The following EPB41L4A variants were observed in gnomAD, a reference collection of about 807,000 sequenced individuals.
EPB41L4A encodes erythrocyte membrane protein band 4.1 like 4A, also known as band 4.1-like protein 4A.
In EPB41L4A, 100 loss-of-function variants were observed where a neutral mutation model predicts 108.6. That is an observed-to-expected ratio of 0.92 (90% CI 0.78 to 1.09). The LOEUF is 1.09. Ranked by LOEUF, EPB41L4A falls within the 50% of genes least tolerant of loss-of-function variation. The pLI is 0.00. For missense variants in EPB41L4A, 1,030 were observed against 842.7 expected (o/e 1.22, Z -2.75); for synonymous variants, 319 against 289.0 (o/e 1.10, Z -1.05).
At chr5:112,419,877 C>T (rs1222392811), upstream of EPB41L4A, 4 of 456,666 alleles carry the variant, frequency 8.8e-6, no homozygotes, top group African/African-American at 8.0e-5. Flanking sequence ...GGAATGCCTG[C>T]CGCGGCGGCG....
intron 15 of EPB41L4A, chr5:112,197,125 T>A (rs75685408): frequency 6.9e-6 from 1 of 144,654 alleles, no homozygotes; most frequent in Admixed American, 6.9e-5. Context: ...TCTCACACAG[T>A]CACCTTGCCC....
chr5:112,419,919 C>T (rs373413661), upstream of EPB41L4A: 666 of 456,326 alleles, frequency 1.5e-3, 4 homozygotes, highest in South Asian at 9.9e-3. Context: ...TTCAGCAAAG[C>T]GGGGAGGCGG....
chr5:112,399,281 C>A (rs1334141756), intron 1 of EPB41L4A, among the ~76,000 whole-genome samples: 3 of 152,090 alleles, frequency 2.0e-5, no homozygotes, highest in African/African-American at 7.2e-5. Flanking sequence ...CCCATTCAGC[C>A]CAAACATCCC....
At chr5:112,211,389 C>G (rs570147461) in intron 12 of EPB41L4A, among the ~76,000 whole-genome samples, 1 of 152,328 alleles carries the variant, frequency 6.6e-6, no homozygotes, top group African/African-American at 2.4e-5. Context: ...CAAGACCACT[C>G]TGGCCAACAA....
At chr5:112,358,703 G>A (rs1352437126) in intron 1 of EPB41L4A, among the ~76,000 whole-genome samples, 1 of 152,202 alleles carries the variant, frequency 6.6e-6, no homozygotes, top group African/African-American at 2.4e-5. Flanking sequence ...TCCACTTCTA[G>A]GTATACACAC....
intron 1 of EPB41L4A, among the ~76,000 whole-genome samples, chr5:112,334,929 G>C (rs1363001443): frequency 6.6e-6 from 1 of 152,108 alleles, no homozygotes; most frequent in Non-Finnish European, 1.5e-5. Flanking sequence ...GTCCTACCAA[G>C]CAAAGATCAA....
chr5:112,408,526 A>G (rs1762216583), intron 1 of EPB41L4A, among the ~76,000 whole-genome samples: 1 of 151,924 alleles, frequency 6.6e-6, no homozygotes, highest in Non-Finnish European at 1.5e-5. Flanking sequence ...AAAAACTGGC[A>G]AACAATGTAA....
At chr5:112,374,699 C>T (rs1196195021) in intron 1 of EPB41L4A, among the ~76,000 whole-genome samples, 3 of 152,170 alleles carry the variant, frequency 2.0e-5, no homozygotes, top group Admixed American at 2.0e-4. Context: ...TATTTTCCTT[C>T]TTTAAAAGTG....
intron 1 of EPB41L4A, among the ~76,000 whole-genome samples, chr5:112,354,065 T>C (rs186955522): frequency 1.7e-4 from 26 of 152,338 alleles, no homozygotes; most frequent in Admixed American, 1.1e-3. Context: ...AAACCTAGAC[T>C]TGATTTTGAG....
intron 2 of EPB41L4A, among the ~76,000 whole-genome samples, chr5:112,281,730 C>T (rs774384116): frequency 9.2e-5 from 14 of 152,234 alleles, no homozygotes; most frequent in Non-Finnish European, 1.3e-4. Flanking sequence ...TGCTATGTAA[C>T]GGTAGCAATA....
At chr5:112,302,326 T>A (rs1754419845) in intron 2 of EPB41L4A, among the ~76,000 whole-genome samples, 1 of 152,094 alleles carries the variant, frequency 6.6e-6, no homozygotes, top group Non-Finnish European at 1.5e-5. Context: ...AGCAACATAG[T>A]GTGACCTCAT....
intron 1 of EPB41L4A, among the ~76,000 whole-genome samples, chr5:112,342,797 T>A (rs539683989): frequency 5.7e-4 from 87 of 152,126 alleles, no homozygotes; most frequent in Non-Finnish European, 9.8e-4. Context: ...GAAAATTCCA[T>A]CGTGCACAGA....
chr5:112,293,171 T>A (rs1243611957), intron 2 of EPB41L4A, among the ~76,000 whole-genome samples: 1 of 152,212 alleles, frequency 6.6e-6, no homozygotes, highest in Non-Finnish European at 1.5e-5. Flanking sequence ...TGTTATTAAG[T>A]ACTTTGTACC....
chr5:112,224,620 C>A (rs1652304214), intron 12 of EPB41L4A, among the ~76,000 whole-genome samples: 1 of 152,192 alleles, frequency 6.6e-6, no homozygotes, highest in Non-Finnish European at 1.5e-5. Context: ...TTCAGGGCTA[C>A]TCAAATCAGG....
rs575052854 is a variant in EPB41L4A, at chr5:112,231,009, T to C, written c.1087+3625A>G. Among the ~76,000 whole-genome samples, 6 of 152,314 alleles carry C rather than the reference T, an allele frequency of 3.9e-5. No individual in the cohort carries two copies. In the South Asian group the frequency reaches 1.0e-3, roughly 26 times the overall value. On this transcript the variant is annotated intron_variant, in intron 12 of 22. Transcript: ENST00000261486. Reference sequence around the variant, plus strand: ...TCTTAAATTTTAACACAGCACTATTTAATCCTCTTTTTAGAATAAAAATGA... The same window carrying C: ...TCTTAAATTTTAACACAGCACTATTCAATCCTCTTTTTAGAATAAAAATGA...
At chr5:112,327,848 A>T (rs527305175) in intron 1 of EPB41L4A, among the ~76,000 whole-genome samples, 1 of 152,358 alleles carries the variant, frequency 6.6e-6, no homozygotes, top group African/African-American at 2.4e-5. Context: ...CTGGATTAGC[A>T]ATGGGGTTTG....
chr5:112,345,468 T>TA (rs1022342690), intron 1 of EPB41L4A, among the ~76,000 whole-genome samples: 16 of 151,026 alleles, frequency 1.1e-4, no homozygotes, highest in Admixed American at 2.0e-4. Flanking sequence ...AAGATCTCTT[T>TA]AAAAAAAAAG....
intron 11 of EPB41L4A, among the ~76,000 whole-genome samples, chr5:112,236,840 C>T (rs1416725508): frequency 6.6e-6 from 1 of 152,184 alleles, no homozygotes. Flanking sequence ...AATTTCTCAT[C>T]TATATAAAGG....
At chr5:112,271,160 T>G (rs954907109) in intron 4 of EPB41L4A, among the ~76,000 whole-genome samples, 1 of 152,184 alleles carries the variant, frequency 6.6e-6, no homozygotes. Flanking sequence ...TGTCTTGACA[T>G]ACAAATTCAA....
Sources: allele counts gnomAD v4.1 joint callset (sites outside exome capture counted in the v4.1 genomes callset), GRCh38; gene constraint gnomAD v4.1.1; transcripts MANE v1.5; gene names NCBI Gene and HGNC (gene_info 2026-07-23, HGNC 2026-07-21).